ATP8B1: variants seen among roughly 807,000 people sequenced by gnomAD.
ATP8B1 encodes phospholipid-transporting ATPase IC.
Under a neutral mutation model 149.9 loss-of-function variants are expected in ATP8B1, and 80 were observed. The ratio of observed to expected loss-of-function variants is 0.53; its 90% CI spans 0.45 to 0.64. The LOEUF (loss-of-function observed/expected upper bound fraction) is 0.64, where lower values mean the gene tolerates loss of function less well. Among genes scored for constraint, ATP8B1 ranks in the 30% least tolerant of loss-of-function variants. The probability of loss-of-function intolerance (pLI) is 0.00; values close to 1 mark genes in which losing one functional copy is unlikely to be tolerated. For missense variants in ATP8B1, 1,247 were observed against 1,552.6 expected (o/e 0.80, Z 3.31); for synonymous variants, 536 against 562.8 (o/e 0.95, Z 0.67).
rs879619824 is a variant in ATP8B1, at chr18:57,658,664, TGTG to T, written c.2707+2507_2707+2509del. Among the ~76,000 whole-genome samples the T allele has an allele frequency of 2.9e-3, 430 of 148,180 alleles. 1 individual carries two copies. Among genetic ancestry groups the T allele is most frequent in the East Asian group, 6.8e-3 (31 of 4,554 alleles). On this transcript the variant is annotated intron_variant, in intron 22 of 27. Transcript: ENST00000648908. ...GTGTGTGTGTGTGTGTGTGTGTGTG[TGTG>T]TTCTTTTTTGTTGTTGGAGAAAGGG...
intron 1 of ATP8B1, among the ~76,000 whole-genome samples, chr18:57,756,361 C>T (rs1454683482): frequency 6.8e-6 from 1 of 147,182 alleles, no homozygotes; most frequent in African/African-American, 2.5e-5. Flanking sequence ...AGTGCAGTGG[C>T]ATGGTCTTGG....
chr18:57,696,169 A>C (rs1912797079), intron 8 of ATP8B1, among the ~76,000 whole-genome samples: 1 of 152,124 alleles, frequency 6.6e-6, no homozygotes, highest in Non-Finnish European at 1.5e-5. Context: ...TTCATTCTCA[A>C]CCTCACCATT....
intron 1 of ATP8B1, among the ~76,000 whole-genome samples, chr18:57,762,204 T>C (rs1002539327): frequency 6.6e-6 from 1 of 151,558 alleles, no homozygotes; most frequent in African/African-American, 2.4e-5. Flanking sequence ...AGTAATGTGA[T>C]CTCGGCTCAC....
chr18:57,681,670 G>A (rs1911980960), intron 15 of ATP8B1, among the ~76,000 whole-genome samples: 1 of 151,942 alleles, frequency 6.6e-6, no homozygotes, highest in South Asian at 2.1e-4. Flanking sequence ...GCGTGGTGGT[G>A]GGCCCCTGTA....
intron 12 of ATP8B1, among the ~76,000 whole-genome samples, chr18:57,689,962 G>A (rs1912448810): frequency 1.3e-5 from 2 of 152,216 alleles, no homozygotes; most frequent in African/African-American, 4.8e-5. Context: ...GTTGCAGTGA[G>A]CTGAGATCGC....
Position 57,650,590 on chromosome 18 carries a change from C to T in ATP8B1, c.3401-93G>A, listed in dbSNP as rs1599064673. 4.7e-6 allele frequency: 7 copies of T among 1,501,170 alleles called. No individual in the cohort carries two copies. In the Middle Eastern group the frequency reaches 5.4e-4, roughly 117 times the overall value. The allele number at this position is 1,501,170 out of a possible 1,614,324, so 93.0% of individuals were successfully genotyped here. ...AGGTGTGGTGGCTCATGCCTGTAAT[C>T]CTAACACTTTGAGAGGCCAAGGTGG... On this transcript the variant is annotated intron_variant, in intron 26 of 27. Coordinates refer to ENST00000648908, the MANE Select transcript of ATP8B1 (RefSeq NM_001374385.1).
At chr18:57,669,220 T>G in intron 18 of ATP8B1, 98 bp downstream of exon 18, 1 of 1,269,086 alleles carries the variant, frequency 7.9e-7, no homozygotes. Flanking sequence ...AAGTTACAAT[T>G]ATCTCTTAAG....
At chr18:57,729,004 G>A (rs1172012505) in intron 2 of ATP8B1, among the ~76,000 whole-genome samples, 1 of 151,986 alleles carries the variant, frequency 6.6e-6, no homozygotes, top group African/African-American at 2.4e-5. Context: ...ACAGGCATGA[G>A]TCGCCGCACC....
intron 2 of ATP8B1, among the ~76,000 whole-genome samples, chr18:57,715,122 C>T (rs2079572151): frequency 6.6e-6 from 1 of 152,102 alleles, no homozygotes; most frequent in Non-Finnish European, 1.5e-5. Context: ...TTCAAGACAA[C>T]ACAGAAAAAG....
intron 11 of ATP8B1, among the ~76,000 whole-genome samples, chr18:57,692,199 C>A (rs1568198325): frequency 6.6e-6 from 1 of 152,176 alleles, no homozygotes; most frequent in Non-Finnish European, 1.5e-5. Context: ...ATGTATCCTA[C>A]ATCTCCCATA....
chr18:57,764,359 C>CTCTT lies in ATP8B1; in HGVS notation c.-25-32531_-25-32528dup, dbSNP rs1198474959. 3.1e-3 allele frequency among the ~76,000 whole-genome samples: 443 copies of CTCTT among 144,692 alleles called. 4 individuals are homozygous for CTCTT. Among genetic ancestry groups the CTCTT allele is most frequent in the South Asian group, 0.013 (60 of 4,530 alleles). The allele number at this position is 144,692 out of a possible 152,430, so 94.9% of individuals were successfully genotyped here. On this transcript the variant is annotated intron_variant, in intron 1 of 27. Transcript: ENST00000648908. ...TCTTTCTTTTTCTTTCTTTCTCTCCCTCTTTCTTTCTTTCTTTCTCTTTTT... is the reference window on the plus strand; with the variant it reads ...TCTTTCTTTTTCTTTCTTTCTCTCCCTCTTTCTTTCTTTCTTTCTTTCTCTTTTT...
At chr18:57,706,352 A>T (rs538378650) in intron 3 of ATP8B1, 138 bp downstream of exon 3, 1 of 713,176 alleles carries the variant, frequency 1.4e-6, no homozygotes, top group Non-Finnish European at 2.5e-6. Context: ...ATGACATTCT[A>T]TAGAAACAAT....
chr18:57,669,376 G>A lies in ATP8B1; in HGVS notation c.2039C>T (p.Ser680Phe). ...ATCCAGAGCTTCGTCCCGGTTGGTG[G>A]AGGCCACACTGGCAGCCATAAACTT... The part of the protein sequence containing the change: ...NKKFMAASVA[S>F]TNRDEALDKV... The change falls in exon 18 of 28, where the codon TCC becomes TTC. Residue 680 changes from serine (S) to phenylalanine (F), a missense_variant. This residue lies in a region of ATP8B1 where 853 missense variants were observed against 1,035.7 expected (regional missense o/e 0.82). Coordinates refer to ENST00000648908, the MANE Select transcript of ATP8B1 (RefSeq NM_001374385.1). 6.2e-7 allele frequency: 1 copy of A among 1,613,940 alleles called. No individual in the cohort carries two copies.
intron 1 of ATP8B1, among the ~76,000 whole-genome samples, chr18:57,796,223 A>G (rs532033517): frequency 6.6e-6 from 1 of 152,326 alleles, no homozygotes; most frequent in Non-Finnish European, 1.5e-5. Context: ...CCAAGAAGAC[A>G]AGATCATAAG....
chr18:57,694,222 C>G (rs1912687825), intron 11 of ATP8B1, among the ~76,000 whole-genome samples: 1 of 152,056 alleles, frequency 6.6e-6, no homozygotes, highest in South Asian at 2.1e-4. Context: ...AGAGAACTGC[C>G]TCTATGGGAA....
intron 1 of ATP8B1, among the ~76,000 whole-genome samples, chr18:57,771,344 T>A (rs1352178967): frequency 6.6e-6 from 1 of 152,218 alleles, no homozygotes; most frequent in Admixed American, 6.5e-5. Flanking sequence ...CAGACAGTTT[T>A]ATTAAGCGTG....
rs1488035784 is a variant in ATP8B1 at position 57,680,624 on chromosome 18, A to C, written c.1630+3412T>G. Among the ~76,000 whole-genome samples the C allele has an allele frequency of 7.3e-5, 11 of 151,704 alleles. No individual in the cohort carries two copies. The South Asian group carries it at 2.3e-3, about 32-fold the overall frequency. On this transcript the variant is annotated intron_variant, in intron 15 of 27. Coordinates refer to ENST00000648908, the MANE Select transcript of ATP8B1 (RefSeq NM_001374385.1). Reference sequence around the variant, plus strand: ...ACAAAACAAAACAAAACAAAAAAAAAACCACACACGCTCACAAAAACAAGC... The same window carrying C: ...ACAAAACAAAACAAAACAAAAAAAACACCACACACGCTCACAAAAACAAGC...
chr18:57,671,182 T>C lies in ATP8B1; in HGVS notation c.1932+286A>G, dbSNP rs79287581. Among the ~76,000 whole-genome samples, 764 of 152,268 alleles carry C rather than the reference T, an allele frequency of 5.0e-3. 9 individuals carry two copies. Among genetic ancestry groups the C allele is most frequent in the African/African-American group, 0.018 (735 of 41,548 alleles). On this transcript the variant is annotated intron_variant, in intron 17 of 27. Transcript: ENST00000648908. ...AACCTAGTATGGTTATGTAGCTTGC[T>C]CAAGGCCACTGGAAGAGAGCTAAGC...
In ATP8B1 at chr18:57,740,059, A is replaced by C. The variant is rs72627255; in HGVS notation, c.-25-8227T>G. Among the ~76,000 whole-genome samples, 719 of 152,252 alleles carry C rather than the reference A, an allele frequency of 4.7e-3. 25 individuals carry two copies. The East Asian group carries it at 0.11, about 23-fold the overall frequency. On this transcript the variant is annotated intron_variant, in intron 1 of 27. Transcript: ENST00000648908. Reference sequence around the variant, plus strand: ...GAATGCACCCTTACTCATTACTGACATACCGGCTATGGTAGTTTTGTTTTT... The same window carrying C: ...GAATGCACCCTTACTCATTACTGACCTACCGGCTATGGTAGTTTTGTTTTT...
Sources: allele counts gnomAD v4.1 joint callset (sites outside exome capture counted in the v4.1 genomes callset), GRCh38; gene constraint gnomAD v4.1.1; regional missense constraint gnomAD v4.1.1; transcripts MANE v1.5; gene names NCBI Gene and HGNC (gene_info 2026-07-23, HGNC 2026-07-21).